CNNM2: variants seen among roughly 807,000 people sequenced by gnomAD.
CNNM2 encodes the protein metal transporter CNNM2.
A neutral mutation model predicts 66.9 loss-of-function variants in CNNM2; 12 were observed. The observed-to-expected ratio is 0.18, with a 90% CI of 0.11 to 0.29. The LOEUF (loss-of-function observed/expected upper bound fraction) is 0.29, where lower values mean the gene tolerates loss of function less well. CNNM2 is among the 10% of genes least tolerant of loss of function. The pLI is 1.00. For missense variants in CNNM2, 705 were observed against 1,167.7 expected (o/e 0.60, Z 5.77); for synonymous variants, 557 against 501.8 (o/e 1.11, Z -1.47).
In CNNM2 at chr10:102,919,121, G is replaced by A. The variant is rs1313043976; in HGVS notation, c.641G>A (p.Gly214Asp). 1.2e-6 allele frequency: 2 copies of A among 1,610,976 alleles called. No individual in the cohort carries two copies. Among genetic ancestry groups the A allele is most frequent in the South Asian group, 1.1e-5 (1 of 91,038 alleles). ...GGGTCCACGGGTGGCGCCGTCGGGG[G>A]CAAGGGTGGCTCGGGGGTGGCCGGG... ...GSGSTGGAVG[G>D]KGGSGVAGLP... Residue 214 changes from glycine to aspartate, a missense_variant, in exon 1 of 8, where the codon GGC becomes GAC. Physicochemically the swap from Gly to Asp is moderately conservative, Grantham distance 94. Transcript: ENST00000369878.
At chr10:102,927,872 A>G (rs1188927107) in intron 1 of CNNM2, among the ~76,000 whole-genome samples, 1 of 152,248 alleles carries the variant, frequency 6.6e-6, no homozygotes, top group African/African-American at 2.4e-5. Flanking sequence ...CATTAGTGCT[A>G]TGACTGAACA....
chr10:103,022,032 C>T (rs2064592700), intron 1 of CNNM2, among the ~76,000 whole-genome samples: 1 of 152,096 alleles, frequency 6.6e-6, no homozygotes, highest in Non-Finnish European at 1.5e-5. Context: ...TTAAGTGAGA[C>T]GTGGCATTCT....
intron 1 of CNNM2, among the ~76,000 whole-genome samples, chr10:103,011,281 T>C (rs1318287822): frequency 3.3e-5 from 5 of 151,970 alleles, no homozygotes; most frequent in African/African-American, 1.2e-4. Flanking sequence ...GATGAAACCC[T>C]GTCTCTACTA....
At chr10:102,987,472 C>T (rs1004017302) in intron 1 of CNNM2, among the ~76,000 whole-genome samples, 2 of 152,026 alleles carry the variant, frequency 1.3e-5, no homozygotes, top group Non-Finnish European at 2.9e-5. Flanking sequence ...AGGTGCCCAC[C>T]ACCACGCCTG....
intron 1 of CNNM2, among the ~76,000 whole-genome samples, chr10:103,026,128 C>T (rs1411301662): frequency 5.3e-5 from 8 of 152,232 alleles, no homozygotes; most frequent in Admixed American, 5.2e-4. Flanking sequence ...CTCAATCTTG[C>T]ACTTCCCAGC....
At chr10:103,055,273 G>A (rs1221890611) in intron 3 of CNNM2, among the ~76,000 whole-genome samples, 1 of 152,220 alleles carries the variant, frequency 6.6e-6, no homozygotes, top group Non-Finnish European at 1.5e-5. Context: ...CTGATAGGCA[G>A]CCAGTGCCTT....
intron 1 of CNNM2, among the ~76,000 whole-genome samples, chr10:102,957,317 A>T (rs1847081144): frequency 6.6e-6 from 1 of 152,168 alleles, no homozygotes; most frequent in Admixed American, 6.5e-5. Context: ...AAAAAATAAT[A>T]ATAAATAAAA....
chr10:103,059,752 A>T (rs1282772327), intron 4 of CNNM2, among the ~76,000 whole-genome samples: 2 of 72,682 alleles, frequency 2.8e-5, no homozygotes, highest in Admixed American at 1.2e-4. Context: ...AGGCATACTA[A>T]AAAAAAAAGT....
chr10:103,089,084 C>T lies in CNNM2; in HGVS notation c.*11904C>T, dbSNP rs966262634. 4.9e-5 allele frequency: 11 copies of T among 224,574 alleles called. No homozygotes were observed. In the South Asian group the frequency reaches 9.1e-4, roughly 19 times the overall value. 13.9% of individuals were successfully genotyped at this position (224,574 alleles called of 1,614,324 possible). A position where few individuals can be genotyped will look rare whatever the true frequency, so the allele number is the denominator to read the frequency against. On this transcript the variant is annotated 3_prime_UTR_variant, in exon 8 of 8. Transcript: ENST00000369878. Reference sequence around the variant, plus strand: ...AAAATAGAATCCTGCCCTAAAGCAACGCAAGTAGAGCATACTTCTGTGCAA... The same window carrying T: ...AAAATAGAATCCTGCCCTAAAGCAATGCAAGTAGAGCATACTTCTGTGCAA...
chr10:103,021,199 G>T (rs1396260872), intron 1 of CNNM2, among the ~76,000 whole-genome samples: 1 of 152,152 alleles, frequency 6.6e-6, no homozygotes, highest in African/African-American at 2.4e-5. Flanking sequence ...ACCGACTGGA[G>T]ATCACAGGGC....
rs1329475809 is a variant in CNNM2 at position 102,918,384 on chromosome 10, G to C, written c.-97G>C. The stretch of plus-strand genomic sequence containing the variant: ...TCAGGGAGGCGAACTGCTGAGCACT[G>C]GCCGCGGACGCTCCGTTGCAGTCTC... On this transcript the variant is annotated 5_prime_UTR_variant, in exon 1 of 8. Coordinates refer to ENST00000369878, the MANE Select transcript of CNNM2 (RefSeq NM_017649.5). This position sits in a 1 kb window ranked among gnomAD's most constrained non-coding sequence, Gnocchi z 4.1. The C allele has an allele frequency of 2.0e-6, 3 of 1,523,872 alleles. No individual in the cohort carries two copies. In the Admixed American group the frequency reaches 6.1e-5, roughly 31 times the overall value. 94.4% of individuals were successfully genotyped at this position (1,523,872 alleles called of 1,614,324 possible). A position where few individuals can be genotyped will look rare whatever the true frequency, so the allele number is the denominator to read the frequency against.
intron 1 of CNNM2, among the ~76,000 whole-genome samples, chr10:102,929,931 G>C (rs1017787843): frequency 1.3e-5 from 2 of 152,270 alleles, no homozygotes; most frequent in East Asian, 3.9e-4. Flanking sequence ...GCCTAATATA[G>C]CAAGTTTGTA....
intron 3 of CNNM2, among the ~76,000 whole-genome samples, chr10:103,055,887 A>G (rs2065286875): frequency 6.6e-6 from 1 of 152,214 alleles, no homozygotes. Context: ...TGATTGCTTG[A>G]GACCAGTCTG....
At chr10:103,034,035 A>T (rs1277032498) in intron 1 of CNNM2, among the ~76,000 whole-genome samples, 1 of 151,902 alleles carries the variant, frequency 6.6e-6, no homozygotes, top group Non-Finnish European at 1.5e-5. Flanking sequence ...GAAGTTTATC[A>T]TATGCACAAA....
Position 103,071,162 on chromosome 10 carries a change from A to G in CNNM2, c.2168-612A>G, listed in dbSNP as rs1427680112. Among the ~76,000 whole-genome samples the G allele has an allele frequency of 2.0e-5, 3 of 152,206 alleles. No homozygotes were observed. The East Asian group carries it at 5.8e-4, about 29-fold the overall frequency. ...GCCCCAGAGGTGTGATTCCTGCTCA[A>G]CATTTCATGTTCTGAGACTTTTCAA... On this transcript the variant is annotated intron_variant, in intron 5 of 7. Coordinates refer to ENST00000369878, the MANE Select transcript of CNNM2 (RefSeq NM_017649.5).
At chr10:102,968,308 G>A (rs926297246) in intron 1 of CNNM2, among the ~76,000 whole-genome samples, 2 of 152,010 alleles carry the variant, frequency 1.3e-5, no homozygotes, top group African/African-American at 2.4e-5. Context: ...GTGCAATGGC[G>A]CAATCTCGGC....
At chr10:103,052,954 T>G (rs546488698) in intron 2 of CNNM2, among the ~76,000 whole-genome samples, 1 of 152,370 alleles carries the variant, frequency 6.6e-6, no homozygotes, top group South Asian at 2.1e-4. Flanking sequence ...TGCAGTCGCC[T>G]TCTCAGGAAA....
rs939870447 is a variant in CNNM2, at chr10:103,064,796, G to A, written c.2074-3833G>A. On this transcript the variant is annotated intron_variant, in intron 4 of 7. Coordinates refer to ENST00000369878, the MANE Select transcript of CNNM2 (RefSeq NM_017649.5). ...TCAAGGCTGCAGGATTCTCACCACC[G>A]GTGCGGTGAGCCATGATTGCACCAC... Among the ~76,000 whole-genome samples, 17 of 152,106 alleles carry A rather than the reference G, an allele frequency of 1.1e-4. 1 individual carries two copies. Among genetic ancestry groups the A allele is most frequent in the South Asian group, 4.2e-4 (2 of 4,818 alleles).
chr10:103,009,093 A>G (rs774499363), intron 1 of CNNM2, among the ~76,000 whole-genome samples: 61 of 152,126 alleles, frequency 4.0e-4, no homozygotes, highest in Non-Finnish European at 7.9e-4. Context: ...CCTGACCAAC[A>G]TGGAGAAACC....
Sources: allele counts gnomAD v4.1 joint callset (sites outside exome capture counted in the v4.1 genomes callset), GRCh38; gene constraint gnomAD v4.1.1; non-coding constraint Gnocchi (gnomAD v3.1); transcripts MANE v1.5; gene names NCBI Gene and HGNC (gene_info 2026-07-23, HGNC 2026-07-21).